The following SPECC1 variants were observed in gnomAD, a reference collection of about 807,000 sequenced individuals.
SPECC1 encodes the protein cytospin-B.
A neutral mutation model predicts 104.1 loss-of-function variants in SPECC1; 62 were observed. That is an observed-to-expected ratio of 0.60 (90% confidence interval 0.49 to 0.74). SPECC1 has a LOEUF of 0.74. Ranked by LOEUF, SPECC1 falls within the 30% of genes least tolerant of loss-of-function variation. The pLI is 0.00. For synonymous variants in SPECC1, 513 were observed against 501.6 expected (o/e 1.02, Z -0.30); for missense variants, 1,306 against 1,310.5 (o/e 1.00, Z 0.05).
At chr17:20,199,040 G>A (rs2036223551) in intron 3 of SPECC1, among the ~76,000 whole-genome samples, 1 of 150,258 alleles carries the variant, frequency 6.7e-6, no homozygotes. Context: ...TGCCTTCTAG[G>A]CTACATATGT....
At chr17:20,232,585 A>G (rs1244607888) in intron 7 of SPECC1, 180 bp downstream of exon 7, 2 of 694,264 alleles carry the variant, frequency 2.9e-6, no homozygotes, top group East Asian at 2.7e-5. Context: ...AGTCCCTGCC[A>G]TGCTGCAGCA....
At chr17:20,013,665 G>A (rs146825619) in intron 1 of SPECC1, among the ~76,000 whole-genome samples, 2 of 152,090 alleles carry the variant, frequency 1.3e-5, no homozygotes, top group African/African-American at 4.8e-5. Flanking sequence ...ACTATGCCCG[G>A]CTAATTTTTG....
intron 3 of SPECC1, among the ~76,000 whole-genome samples, chr17:20,166,424 CTG>C (rs1172188295): frequency 6.6e-6 from 1 of 152,066 alleles, no homozygotes; most frequent in Non-Finnish European, 1.5e-5. Flanking sequence ...TGCAATAAAA[CTG>C]TAAATAATGA....
chr17:20,019,678 AT>A (rs1248962862), intron 1 of SPECC1, among the ~76,000 whole-genome samples: 1 of 152,214 alleles, frequency 6.6e-6, no homozygotes, highest in Non-Finnish European at 1.5e-5. Flanking sequence ...AAAGAGCTGA[AT>A]AAAAAATCCA....
chr17:20,129,723 G>C (rs1280368711), intron 3 of SPECC1, among the ~76,000 whole-genome samples: 5 of 106,310 alleles, frequency 4.7e-5, no homozygotes, highest in Non-Finnish European at 8.6e-5. Flanking sequence ...CCTAGAGCCA[G>C]TTTTGTTGTT....
chr17:20,139,294 C>T (rs529134775), intron 3 of SPECC1, among the ~76,000 whole-genome samples: 2 of 152,322 alleles, frequency 1.3e-5, no homozygotes, highest in African/African-American at 4.8e-5. Flanking sequence ...GCCCGTTGTA[C>T]TCCAGAAACA....
At chr17:20,193,871 C>T (rs191302486) in intron 3 of SPECC1, among the ~76,000 whole-genome samples, 157 of 152,252 alleles carry the variant, frequency 1.0e-3, no homozygotes, top group African/African-American at 3.5e-3. Flanking sequence ...TTTACATTAT[C>T]CATCCCTCTT....
At chr17:20,217,215 A>G (rs138242996) in intron 4 of SPECC1, among the ~76,000 whole-genome samples, 34 of 151,910 alleles carry the variant, frequency 2.2e-4, no homozygotes, top group Admixed American at 5.2e-4. Context: ...TTATGTAGCA[A>G]GCCCTTGTGA....
intron 12 of SPECC1, among the ~76,000 whole-genome samples, chr17:20,266,049 C>T (rs1448994171): frequency 6.6e-6 from 1 of 152,162 alleles, no homozygotes; most frequent in Non-Finnish European, 1.5e-5. Context: ...ATTGCTTTGG[C>T]TATTCAGACT....
intron 1 of SPECC1, among the ~76,000 whole-genome samples, chr17:20,093,332 T>A (rs1484795014): frequency 2.0e-5 from 3 of 152,204 alleles, no homozygotes; most frequent in Admixed American, 6.5e-5. Flanking sequence ...GCCTCCCAGA[T>A]GCCCTACCTC....
At chr17:20,277,617 C>T (rs1003158192) in intron 12 of SPECC1, among the ~76,000 whole-genome samples, 3 of 152,092 alleles carry the variant, frequency 2.0e-5, no homozygotes, top group Admixed American at 6.5e-5. Flanking sequence ...TTTAAGTGTA[C>T]AGTTCAGGGG....
chr17:20,038,403 C>CTTTTTTT (rs10718870), intron 1 of SPECC1, among the ~76,000 whole-genome samples: 1 of 99,350 alleles, frequency 1.0e-5, no homozygotes, highest in African/African-American at 3.9e-5. Context: ...TTTTGATATT[C>CTTTTTTT]TTTTTTTTTT....
chr17:20,274,555 A>G (rs1408630550), intron 12 of SPECC1, among the ~76,000 whole-genome samples: 1 of 128,334 alleles, frequency 7.8e-6, no homozygotes, highest in Non-Finnish European at 1.5e-5. Flanking sequence ...GTCTCGGCTC[A>G]CTGCAATCTC....
intron 2 of SPECC1, among the ~76,000 whole-genome samples, chr17:20,097,737 A>G (rs940270781): frequency 1.3e-5 from 2 of 152,190 alleles, no homozygotes; most frequent in Non-Finnish European, 2.9e-5. Context: ...CAAGGGGCAC[A>G]TTGTTTTTAT....
intron 3 of SPECC1, among the ~76,000 whole-genome samples, chr17:20,149,520 GT>G: frequency 6.6e-6 from 1 of 152,342 alleles, no homozygotes; most frequent in Admixed American, 6.5e-5. Flanking sequence ...TTTCACACGT[GT>G]TGTCACAGCT....
At chr17:20,264,682 G>C (rs1272326013) in intron 12 of SPECC1, among the ~76,000 whole-genome samples, 1 of 151,870 alleles carries the variant, frequency 6.6e-6, no homozygotes, top group Non-Finnish European at 1.5e-5. Context: ...ATGTTGGCTA[G>C]GCTGGTCTCG....
intron 3 of SPECC1, among the ~76,000 whole-genome samples, chr17:20,182,275 C>T (rs1290178649): frequency 2.6e-5 from 4 of 151,782 alleles, no homozygotes; most frequent in African/African-American, 9.7e-5. Flanking sequence ...CACCATGTCC[C>T]GCTAAACTTT....
At chr17:20,103,023 G>A (rs542225402) in intron 2 of SPECC1, among the ~76,000 whole-genome samples, 6 of 152,304 alleles carry the variant, frequency 3.9e-5, no homozygotes, top group East Asian at 3.9e-4. Flanking sequence ...CAGAGAGGAC[G>A]TGATTTGCCC....
At chr17:20,023,553 A>G (rs1192143428) in intron 1 of SPECC1, among the ~76,000 whole-genome samples, 1 of 152,114 alleles carries the variant, frequency 6.6e-6, no homozygotes. Flanking sequence ...CATGTCAGGT[A>G]AGACGTTCTA....
Sources: gnomAD v4.1 joint callset for allele counts (sites outside exome capture counted in the v4.1 genomes callset) on GRCh38, gnomAD v4.1.1 for gene constraint, MANE v1.5 for transcripts, NCBI Gene and HGNC (gene_info 2026-07-23, HGNC 2026-07-21) for gene names.